The following TMEM203 variants were observed in gnomAD, a reference collection of about 807,000 sequenced individuals.
The protein encoded by TMEM203 is HBeAg-binding protein 1.
In TMEM203, 4 loss-of-function variants were observed where a neutral mutation model predicts 7.9. The observed-to-expected ratio is 0.51, with a 90% CI of 0.25 to 1.16. The LOEUF is 1.16. TMEM203 is among the 50% of genes most tolerant of loss of function. The probability of loss-of-function intolerance (pLI) is 0.15; values close to 1 mark genes in which losing one functional copy is unlikely to be tolerated. For missense variants in TMEM203, 127 were observed against 174.4 expected (o/e 0.73, Z 1.53); for synonymous variants, 92 against 82.5 (o/e 1.11, Z -0.62).
At position 137,205,167 on chromosome 9, in the gene TMEM203, C is replaced by A. The variant is rs760793077; in HGVS notation, c.248G>T (p.Arg83Leu). 6.2e-7 allele frequency: 1 copy of A among 1,612,538 alleles called. No individual in the cohort carries two copies. The highest frequency in any genetic ancestry group is 1.7e-5 in the Admixed American group (1 of 60,016). The change falls in exon 1 of 1, where the codon CGC (arginine) becomes CTC (leucine). Residue 83 changes from arginine to leucine, a missense_variant. By Grantham distance (102) the Arg-to-Leu change is moderately radical. Coordinates refer to ENST00000343666, the MANE Select transcript of TMEM203 (RefSeq NM_053045.2). ...QDGEKRLAVL[R>L]LFWVLTVLSL... is the part of the protein sequence containing the mutation. ...CAGGACCGTAAGTACCCAGAAAAGG[C>A]GGAGCACCGCCAGCCGCTTCTCTCC... is the stretch of plus-strand genomic sequence containing the variant.
At position 137,205,294 on chromosome 9, in the gene TMEM203, C is replaced by G. The variant is rs1834902238; in HGVS notation, c.121G>C (p.Val41Leu). ...VLLALRVDGL[V>L]PGLSWWNVFV... ...ACGTTCCACCAGGAGAGGCCCGGGA[C>G]CAGGCCATCCACACGCAGTGCCAGC... Residue 41 changes from valine (V) to leucine (L), a missense_variant, in exon 1 of 1, where the codon GTC becomes CTC. Val to Leu is a conservative substitution (Grantham distance 32). Transcript: ENST00000343666. 6.2e-7 allele frequency: 1 copy of G among 1,611,022 alleles called. No homozygotes were observed. The highest frequency in any genetic ancestry group is 1.3e-5 in the African/African-American group (1 of 74,920).
rs771910102 is a variant in TMEM203 at position 137,205,439 on chromosome 9, G to A, written c.-25C>T. 1.0e-4 allele frequency: 154 copies of A among 1,490,152 alleles called. No homozygotes were observed. Among genetic ancestry groups the A allele is most frequent in the Non-Finnish European group, 1.3e-4 (146 of 1,116,042 alleles). 92.3% of individuals were successfully genotyped at this position (1,490,152 alleles called of 1,614,324 possible). ...TCGCGCCCGTTGAGCGCGGGCCGGG[G>A]CCCGGCCGAGCGTGCCACCCGCGGG... On this transcript the variant is annotated 5_prime_UTR_variant, in exon 1 of 1. Transcript: ENST00000343666.
rs550970072 is a variant in TMEM203 at position 137,204,823 on chromosome 9, A to G, written c.*181T>C. On this transcript the variant is annotated 3_prime_UTR_variant, in exon 1 of 1. Transcript: ENST00000343666. Reference sequence around the variant, plus strand: ...TTTCAGGATGAAGGCTGCTCTTTTAAGCCCTGCTGAAGAAACCATTTCAAA... The same window carrying G: ...TTTCAGGATGAAGGCTGCTCTTTTAGGCCCTGCTGAAGAAACCATTTCAAA... 2 of 746,760 alleles carry G rather than the reference A, an allele frequency of 2.7e-6. No homozygotes were observed. Among genetic ancestry groups the G allele is most frequent in the Admixed American group, 5.9e-5 (2 of 33,716 alleles). 46.3% of individuals were successfully genotyped at this position (746,760 alleles called of 1,614,324 possible). A position where few individuals can be genotyped will look rare whatever the true frequency, so the allele number is the denominator to read the frequency against.
In TMEM203 at chr9:137,204,272, T is replaced by G. The variant is rs902338664; in HGVS notation, c.*732A>C. ...TCAGTCTCTTAGGGAGGCTTAAATC[T>G]GTCTCAGGTGTGCTAAGAGTGCCAG... On this transcript the variant is annotated 3_prime_UTR_variant, in exon 1 of 1. Transcript: ENST00000343666. The G allele has an allele frequency of 6.6e-6, 1 of 152,238 alleles. No individual in the cohort carries two copies. The highest frequency in any genetic ancestry group is 1.5e-5 in the Non-Finnish European group (1 of 68,042). 9.4% of individuals were successfully genotyped at this position (152,238 alleles called of 1,614,324 possible).
At position 137,204,893 on chromosome 9, in the gene TMEM203, G is replaced by A. The variant is rs1834889198; in HGVS notation, c.*111C>T. On this transcript the variant is annotated 3_prime_UTR_variant, in exon 1 of 1. Coordinates refer to ENST00000343666, the MANE Select transcript of TMEM203 (RefSeq NM_053045.2). ...CCCGGCACTCAGCTCGGCGCAAGCCGGCGGTGCCTTCAGACTAGAGAGCCT... is the reference window on the plus strand; with the variant it reads ...CCCGGCACTCAGCTCGGCGCAAGCCAGCGGTGCCTTCAGACTAGAGAGCCT... 7.1e-7 allele frequency: 1 copy of A among 1,405,840 alleles called. No homozygotes were observed. The highest frequency in any genetic ancestry group is 1.4e-5 in the African/African-American group (1 of 69,258). 87.1% of individuals were successfully genotyped at this position (1,405,840 alleles called of 1,614,324 possible).
Position 137,205,071 on chromosome 9 carries a change from C to G in TMEM203, c.344G>C (p.Gly115Ala). 1 of 1,612,888 alleles carries G rather than the reference C, an allele frequency of 6.2e-7. No homozygotes were observed. The highest frequency in any genetic ancestry group is 8.5e-7 in the Non-Finnish European group (1 of 1,179,984). ...AATGAAGAGCGGGGACGTAATGAGG[C>G]CGAACCAGAGCTCCCGAGTCTGCTC... Reference protein sequence around the residue: ...LAEQTRELWFGLITSPLFILL... With the variant: ...LAEQTRELWFALITSPLFILL... Residue 115 changes from glycine to alanine, a missense_variant, in exon 1 of 1, where the codon GGC (glycine) becomes GCC (alanine). Transcript: ENST00000343666.
Position 137,205,490 on chromosome 9 carries a change from T to C in TMEM203, c.-76A>G. ...GCTGCGTCTCCTCTCCCCGTGGCCC[T>C]CGCCCGCGCCTGCCGCCGCTGCTGC... is the stretch of plus-strand genomic sequence containing the variant. On this transcript the variant is annotated 5_prime_UTR_variant, in exon 1 of 1. Coordinates refer to ENST00000343666, the MANE Select transcript of TMEM203 (RefSeq NM_053045.2). 3 of 1,322,276 alleles carry C rather than the reference T, an allele frequency of 2.3e-6. No individual in the cohort carries two copies. The highest frequency in any genetic ancestry group is 3.9e-5 in the South Asian group (2 of 51,220). The allele number at this position is 1,322,276 out of a possible 1,614,324, so 81.9% of individuals were successfully genotyped here.
chr9:137,205,398 C>G lies in TMEM203; in HGVS notation c.17G>C (p.Arg6Pro). 6.3e-7 allele frequency: 1 copy of G among 1,581,680 alleles called. No individual in the cohort carries two copies. Among genetic ancestry groups the G allele is most frequent in the Non-Finnish European group, 8.6e-7 (1 of 1,162,344 alleles). The change falls in exon 1 of 1, where the codon CGG (arginine) becomes CCG (proline). Residue 6 changes from arginine to proline, a missense_variant. Arg to Pro is a moderately radical substitution (Grantham distance 103). Transcript: ENST00000343666. MLFSL[R>P]ELVQWLGFAT... ...GAAGCCTAGCCACTGCACCAGCTCC[C>G]GGAGCGAGAAGAGCATCGCGCCCGT...
At position 137,205,059 on chromosome 9, in the gene TMEM203, G is replaced by C. The variant is rs1468331557; in HGVS notation, c.356C>G (p.Ser119Cys). The C allele has an allele frequency of 1.2e-6, 2 of 1,612,758 alleles. No homozygotes were observed. Among genetic ancestry groups the C allele is most frequent in the Admixed American group, 1.7e-5 (1 of 60,010 alleles). The change falls in exon 1 of 1, where the codon TCC becomes TGC. Residue 119 changes from serine (S) to cysteine (C), a missense_variant. Physicochemically the swap from Ser to Cys is moderately radical, Grantham distance 112. Transcript: ENST00000343666. ...CAGCTGCAGGAGAATGAAGAGCGGG[G>C]ACGTAATGAGGCCGAACCAGAGCTC... is the stretch of plus-strand genomic sequence containing the variant. The part of the protein sequence containing the change: ...TRELWFGLIT[S>C]PLFILLQLLM...
Position 137,205,624 on chromosome 9 carries a change from C to A in TMEM203, c.-210G>T. 3 of 1,369,440 alleles carry A rather than the reference C, an allele frequency of 2.2e-6. No individual in the cohort carries two copies. Among genetic ancestry groups the A allele is most frequent in the South Asian group, 2.6e-5 (2 of 76,260 alleles). 84.8% of individuals were successfully genotyped at this position (1,369,440 alleles called of 1,614,324 possible). A position where few individuals can be genotyped will look rare whatever the true frequency, so the allele number is the denominator to read the frequency against. On this transcript the variant is annotated 5_prime_UTR_variant, in exon 1 of 1. Transcript: ENST00000343666. ...AACCCTGGCCGCCCGTGAACGCCCG[C>A]CTCGATCGGACGCCATGCCCCCACA...
Position 137,205,544 on chromosome 9 carries a change from G to T in TMEM203, c.-130C>A. On this transcript the variant is annotated 5_prime_UTR_variant, in exon 1 of 1. It adds an upstream start codon to the 5' untranslated region. Coordinates refer to ENST00000343666, the MANE Select transcript of TMEM203 (RefSeq NM_053045.2). The stretch of plus-strand genomic sequence containing the variant: ...CGAGAGGCAGCGAGCGGCCCCGCCA[G>T]CCCCAGCCCTCGGCCCTGATGCGCC... The T allele has an allele frequency of 8.2e-7, 1 of 1,224,414 alleles. No individual in the cohort carries two copies. Among genetic ancestry groups the T allele is most frequent in the Non-Finnish European group, 1.1e-6 (1 of 942,220 alleles). 75.8% of individuals were successfully genotyped at this position (1,224,414 alleles called of 1,614,324 possible).
At position 137,205,560 on chromosome 9, in the gene TMEM203, C is replaced by G. The variant is rs2131359720; in HGVS notation, c.-146G>C. 1 of 1,228,334 alleles carries G rather than the reference C, an allele frequency of 8.1e-7. No homozygotes were observed. Among genetic ancestry groups the G allele is most frequent in the East Asian group, 3.0e-5 (1 of 33,230 alleles). 76.1% of individuals were successfully genotyped at this position (1,228,334 alleles called of 1,614,324 possible). On this transcript the variant is annotated 5_prime_UTR_variant, in exon 1 of 1. Coordinates refer to ENST00000343666, the MANE Select transcript of TMEM203 (RefSeq NM_053045.2). Reference sequence around the variant, plus strand: ...GCCCCGCCAGCCCCAGCCCTCGGCCCTGATGCGCCGGCAATCCCCCGGCCC... The same window carrying G: ...GCCCCGCCAGCCCCAGCCCTCGGCCGTGATGCGCCGGCAATCCCCCGGCCC...
At position 137,205,251 on chromosome 9, in the gene TMEM203, G is replaced by A. The variant is rs1834900915; in HGVS notation, c.164C>T (p.Ala55Val). 6.2e-7 allele frequency: 1 copy of A among 1,611,588 alleles called. No individual in the cohort carries two copies. The highest frequency in any genetic ancestry group is 1.7e-4 in the Middle Eastern group (1 of 6,058). The change falls in exon 1 of 1, where the codon GCC becomes GTC. Residue 55 changes from alanine to valine, a missense_variant. Transcript: ENST00000343666. ...SWWNVFVPFF[A>V]ADGLSTYFTT... is the part of the protein sequence containing the mutation. ...GAAGTAGGTGCTGAGCCCGTCAGCG[G>A]CGAAGAAAGGCACGAACACGTTCCA... is the stretch of plus-strand genomic sequence containing the variant.
Position 137,204,901 on chromosome 9 carries a change from C to T in TMEM203, c.*103G>A. 1.4e-6 allele frequency: 2 copies of T among 1,449,894 alleles called. No individual in the cohort carries two copies. The highest frequency in any genetic ancestry group is 9.1e-7 in the Non-Finnish European group (1 of 1,093,970). 89.8% of individuals were successfully genotyped at this position (1,449,894 alleles called of 1,614,324 possible). ...TCAGCTCGGCGCAAGCCGGCGGTGCCTTCAGACTAGAGAGCCTCTCCTCCG... is the reference window on the plus strand; with the variant it reads ...TCAGCTCGGCGCAAGCCGGCGGTGCTTTCAGACTAGAGAGCCTCTCCTCCG... On this transcript the variant is annotated 3_prime_UTR_variant, in exon 1 of 1. Transcript: ENST00000343666.
chr9:137,204,173 C>T lies in TMEM203; in HGVS notation c.*831G>A, dbSNP rs941659063. The T allele has an allele frequency of 6.6e-6, 1 of 152,210 alleles. No individual in the cohort carries two copies. Among genetic ancestry groups the T allele is most frequent in the Non-Finnish European group, 1.5e-5 (1 of 68,048 alleles). 9.4% of individuals were successfully genotyped at this position (152,210 alleles called of 1,614,324 possible). A position where few individuals can be genotyped will look rare whatever the true frequency, so the allele number is the denominator to read the frequency against. On this transcript the variant is annotated 3_prime_UTR_variant, in exon 1 of 1. Transcript: ENST00000343666. ...CATCAAACCAAAGTTCGTAGGCCAA[C>T]AAAGATGGGCCACTCACAAGCTTCC...
chr9:137,205,198 G>A lies in TMEM203; in HGVS notation c.217C>T (p.Gln73Ter). The A allele has an allele frequency of 6.2e-7, 1 of 1,612,736 alleles. No individual in the cohort carries two copies. Among genetic ancestry groups the A allele is most frequent in the Non-Finnish European group, 8.5e-7 (1 of 1,179,892 alleles). The change falls in exon 1 of 1, where the codon CAG becomes TAG. Residue 73 changes from glutamine to a stop codon, truncating the protein, a stop_gained. Coordinates refer to ENST00000343666, the MANE Select transcript of TMEM203 (RefSeq NM_053045.2). LOFTEE classifies it high-confidence loss of function. ...ACCGCCAGCCGCTTCTCTCCATCCTGGAAGAGGCGCACGGACACGATGGTG... is the reference window on the plus strand; with the variant it reads ...ACCGCCAGCCGCTTCTCTCCATCCTAGAAGAGGCGCACGGACACGATGGTG... ...FTTIVSVRLF[Q>*]DGEKRLAVLR...
In TMEM203 at chr9:137,204,790, A is replaced by G; in HGVS notation, c.*214T>C. The G allele has an allele frequency of 1.5e-6, 1 of 646,644 alleles. No individual in the cohort carries two copies. Among genetic ancestry groups the G allele is most frequent in the East Asian group, 2.8e-5 (1 of 35,796 alleles). 40.1% of individuals were successfully genotyped at this position (646,644 alleles called of 1,614,324 possible). A position where few individuals can be genotyped will look rare whatever the true frequency, so the allele number is the denominator to read the frequency against. Reference sequence around the variant, plus strand: ...TCTACTCAAAGCATTAAACAAAAGGAAATACATTTTCAGGATGAAGGCTGC... The same window carrying G: ...TCTACTCAAAGCATTAAACAAAAGGGAATACATTTTCAGGATGAAGGCTGC... On this transcript the variant is annotated 3_prime_UTR_variant, in exon 1 of 1. Coordinates refer to ENST00000343666, the MANE Select transcript of TMEM203 (RefSeq NM_053045.2).
chr9:137,205,346 C>A lies in TMEM203; in HGVS notation c.69G>T (p.Leu23=). The change falls in exon 1 of 1, where the codon CTG becomes CTT. Residue 23 remains leucine (L), a synonymous_variant. Coordinates refer to ENST00000343666, the MANE Select transcript of TMEM203 (RefSeq NM_053045.2). The part of the protein sequence containing the change: ...GFATFEIFVH[L]LALLVFSVLL... ...GCACAGAGAACACCAACAGGGCCAG[C>A]AGGTGCACGAAGATCTCGAAGGTGG... 6.2e-7 allele frequency: 1 copy of A among 1,608,704 alleles called. No homozygotes were observed. Among genetic ancestry groups the A allele is most frequent in the Admixed American group, 1.7e-5 (1 of 59,344 alleles).
At position 137,205,092 on chromosome 9, in the gene TMEM203, T is replaced by C. The variant is rs746644012; in HGVS notation, c.323A>G (p.Gln108Arg). 1.9e-6 allele frequency: 3 copies of C among 1,612,970 alleles called. No homozygotes were observed. Among genetic ancestry groups the C allele is most frequent in the East Asian group, 4.5e-5 (2 of 44,888 alleles). The change falls in exon 1 of 1, where the codon CAG becomes CGG. Residue 108 changes from glutamine to arginine, a missense_variant. Transcript: ENST00000343666. ...EMLLCQKLAEQTRELWFGLIT... is the reference protein window; with the variant it reads ...EMLLCQKLAERTRELWFGLIT... The stretch of plus-strand genomic sequence containing the variant: ...GAGGCCGAACCAGAGCTCCCGAGTC[T>C]GCTCCGCCAGCTTCTGGCACAACAG...
Sources: gnomAD v4.1 joint callset for allele counts on GRCh38, gnomAD v4.1.1 for gene constraint, MANE v1.5 for transcripts, NCBI Gene and HGNC (gene_info 2026-07-23, HGNC 2026-07-21) for gene names.